The following CCAR1 variants were observed in gnomAD, a reference collection of about 807,000 sequenced individuals.
The protein encoded by CCAR1 is cell division cycle and apoptosis regulator protein 1.
CCAR1 carries 78 observed loss-of-function variants against 163.8 expected under a neutral mutation model. The ratio of observed to expected loss-of-function variants is 0.48; its 90% CI spans 0.40 to 0.57. CCAR1 has a LOEUF of 0.57. CCAR1 is among the 20% of genes least tolerant of loss of function. The probability of loss-of-function intolerance (pLI) is 0.00; values close to 1 mark genes in which losing one functional copy is unlikely to be tolerated. For missense variants in CCAR1, 1,019 were observed against 1,365.2 expected, an observed-to-expected ratio of 0.75 and a Z score of 4.00; for synonymous variants, 443 against 460.7, an observed-to-expected ratio of 0.96 and a Z score of 0.49.
At chr10:68,736,782 GGGGGTGC>G in intron 2 of CCAR1, 87 bp from the exon 3 acceptor site, 1 of 1,023,620 alleles carries the variant, frequency 9.8e-7, no homozygotes, top group Admixed American at 2.4e-5. Context: ...GAGTGAACAT[GGGGGTGC>G]GGGTATCTCT....
intron 6 of CCAR1, 50 bp downstream of exon 6, chr10:68,742,619 C>A: frequency 7.1e-7 from 1 of 1,408,680 alleles, no homozygotes; most frequent in South Asian, 1.2e-5. Flanking sequence ...TACCACAAAA[C>A]ACCTGTTTAG....
chr10:68,767,538 C>T (rs1214561793), intron 17 of CCAR1, among the ~76,000 whole-genome samples: 1 of 152,128 alleles, frequency 6.6e-6, no homozygotes, highest in African/African-American at 2.4e-5. Flanking sequence ...GAGCCAACTG[C>T]ACCCGGCCTA....
chr10:68,769,597 G>T (rs899810406), intron 17 of CCAR1, among the ~76,000 whole-genome samples: 2 of 151,910 alleles, frequency 1.3e-5, no homozygotes, highest in Non-Finnish European at 2.9e-5. Context: ...TCCAGCCTGA[G>T]CAACAAGAGT....
intron 4 of CCAR1, among the ~76,000 whole-genome samples, chr10:68,738,743 C>A (rs1564531745): frequency 6.6e-6 from 1 of 151,950 alleles, no homozygotes; most frequent in African/African-American, 2.4e-5. Flanking sequence ...TAAAATAGAA[C>A]TGTTCAAAAT....
At chr10:68,759,476 C>G (rs1488679675) in intron 15 of CCAR1, 2 of 153,556 alleles carry the variant, frequency 1.3e-5, no homozygotes, top group African/African-American at 4.8e-5. Flanking sequence ...GCGTGTAATC[C>G]TAGCACTTTT....
At chr10:68,748,581 C>G (rs1247185628) in intron 8 of CCAR1, among the ~76,000 whole-genome samples, 1 of 151,370 alleles carries the variant, frequency 6.6e-6, no homozygotes, top group Non-Finnish European at 1.5e-5. Context: ...CTCCGCCTCC[C>G]CGGCTCAAGT....
chr10:68,730,904 G>C (rs1331595542), intron 2 of CCAR1, among the ~76,000 whole-genome samples: 1 of 151,992 alleles, frequency 6.6e-6, no homozygotes. Context: ...TGTTGCCCAG[G>C]CTGCCCTCAA....
At chr10:68,779,869 G>C (rs946054629) in intron 19 of CCAR1, among the ~76,000 whole-genome samples, 4 of 152,180 alleles carry the variant, frequency 2.6e-5, no homozygotes, top group Non-Finnish European at 5.9e-5. Context: ...AGAAAACTTG[G>C]AGAAGTGTAG....
At position 68,789,448 on chromosome 10, in the gene CCAR1, G is replaced by T. The variant is rs561335208; in HGVS notation, c.3188-262G>T. 3.3e-5 allele frequency among the ~76,000 whole-genome samples: 5 copies of T among 151,970 alleles called. No homozygotes were observed. In the South Asian group the frequency reaches 8.3e-4, roughly 25 times the overall value. ...CTCTAAAAATACAAAAATTAGCTGG[G>T]TGTGGTGGTACGCGCCTGTAATCCC... On this transcript the variant is annotated intron_variant, in intron 23 of 24. Coordinates refer to ENST00000265872, the MANE Select transcript of CCAR1 (RefSeq NM_018237.4).
chr10:68,749,373 A>G, intron 9 of CCAR1, 108 bp downstream of exon 9: 1 of 1,301,588 alleles, frequency 7.7e-7, no homozygotes, highest in African/African-American at 1.5e-5. Context: ...AAAATGGTAA[A>G]TTTTATGTTA....
chr10:68,728,696 C>T (rs1207051755), intron 2 of CCAR1, among the ~76,000 whole-genome samples: 1 of 152,180 alleles, frequency 6.6e-6, no homozygotes, highest in Non-Finnish European at 1.5e-5. Context: ...TGGCTCTCGC[C>T]TGTAATCCCA....
chr10:68,743,287 C>T (rs757963158), intron 6 of CCAR1, among the ~76,000 whole-genome samples: 22 of 151,406 alleles, frequency 1.5e-4, no homozygotes, highest in Non-Finnish European at 3.1e-4. Context: ...ACCTCCACCT[C>T]CCAGGTTCAA....
intron 16 of CCAR1, among the ~76,000 whole-genome samples, chr10:68,765,251 G>A (rs2056522123): frequency 6.6e-6 from 1 of 152,174 alleles, no homozygotes; most frequent in African/African-American, 2.4e-5. Flanking sequence ...GAGTGGCCTA[G>A]GCCTCTTCAG....
intron 19 of CCAR1, 105 bp from the exon 20 acceptor site, chr10:68,786,031 C>T (rs2056791480): frequency 7.0e-6 from 5 of 717,092 alleles, no homozygotes; most frequent in South Asian, 6.6e-5. Context: ...CACCCTCGAA[C>T]GCCTGGCCCT....
Position 68,752,938 on chromosome 10 carries a change from A to AGATT in CCAR1, c.1119-913_1119-910dup, listed in dbSNP as rs1554820621. ...TAGATAGATAGATAGATAGATAGATAGATTCTGTCTGTAGATAGAATAGAT... is the reference window on the plus strand; with the variant it reads ...TAGATAGATAGATAGATAGATAGATAGATTGATTCTGTCTGTAGATAGAATAGAT... On this transcript the variant is annotated intron_variant, in intron 10 of 24. Transcript: ENST00000265872. Among the ~76,000 whole-genome samples, 349 of 138,596 alleles carry AGATT rather than the reference A, an allele frequency of 2.5e-3. 1 individual carries two copies. Among genetic ancestry groups the AGATT allele is most frequent in the Middle Eastern group, 0.018 (5 of 280 alleles). 90.9% of individuals were successfully genotyped at this position (138,596 alleles called of 152,430 possible).
intron 15 of CCAR1, among the ~76,000 whole-genome samples, chr10:68,759,826 A>T (rs1286713334): frequency 6.6e-6 from 1 of 152,068 alleles, no homozygotes; most frequent in African/African-American, 2.4e-5. Context: ...TATACTATTC[A>T]ATTAAATTGA....
intron 15 of CCAR1, among the ~76,000 whole-genome samples, chr10:68,758,286 C>T (rs1171112667): frequency 6.6e-6 from 1 of 152,000 alleles, no homozygotes; most frequent in Non-Finnish European, 1.5e-5. Context: ...CACTCCTGGC[C>T]TCAAGCGATC....
intron 3 of CCAR1, 58 bp downstream of exon 3, chr10:68,737,106 C>A: frequency 8.6e-7 from 1 of 1,158,422 alleles, no homozygotes; most frequent in Non-Finnish European, 1.3e-6. Flanking sequence ...ATCTGAGTAG[C>A]TAGCATTGCT....
intron 2 of CCAR1, among the ~76,000 whole-genome samples, chr10:68,730,066 C>G (rs752032888): frequency 3.3e-5 from 5 of 151,760 alleles, no homozygotes; most frequent in Non-Finnish European, 5.9e-5. Flanking sequence ...ATTATAGGCA[C>G]ACGTGCCACC....
Sources: gnomAD v4.1 joint callset for allele counts (sites outside exome capture counted in the v4.1 genomes callset) on GRCh38, gnomAD v4.1.1 for gene constraint, MANE v1.5 for transcripts, NCBI Gene and HGNC (gene_info 2026-07-23, HGNC 2026-07-21) for gene names.